Variants in LRRC4C observed in about 807,000 individuals in gnomAD.
LRRC4C encodes the protein leucine-rich repeat-containing protein 4C.
Under a neutral mutation model 33.6 loss-of-function variants are expected in LRRC4C, and 5 were observed. That is an observed-to-expected ratio of 0.15 (90% confidence interval 0.08 to 0.31). LRRC4C has a LOEUF of 0.31. Among genes scored for constraint, LRRC4C ranks in the 10% least tolerant of loss-of-function variants. LRRC4C has a pLI of 1.00. For synonymous variants in LRRC4C, 329 were observed against 302.0 expected (o/e 1.09, Z -0.93); for missense variants, 560 against 796.7 (o/e 0.70, Z 3.58).
chr11:40,984,363 A>AGAAGAAAGAAAGAAAG (rs1375965996), intron 1 of LRRC4C, among the ~76,000 whole-genome samples: 34 of 120,296 alleles, frequency 2.8e-4, no homozygotes, highest in African/African-American at 7.4e-4. Flanking sequence ...AAAGAAAGAA[A>AGAAGAAAGAAAGAAAG]AAAGAAAGAA....
intron 1 of LRRC4C, among the ~76,000 whole-genome samples, chr11:40,971,413 C>T (rs1303588849): frequency 6.6e-6 from 1 of 152,150 alleles, no homozygotes; most frequent in African/African-American, 2.4e-5. Flanking sequence ...TGTTTGGCTT[C>T]CACGTGGTGT....
chr11:41,312,269 A>C (rs1950664093), intron 1 of LRRC4C, among the ~76,000 whole-genome samples: 1 of 152,172 alleles, frequency 6.6e-6, no homozygotes, highest in African/African-American at 2.4e-5. Context: ...AAACCCTTCA[A>C]AATGCTGCCA....
At chr11:40,924,329 A>G (rs1321491262) in intron 2 of LRRC4C, among the ~76,000 whole-genome samples, 1 of 152,042 alleles carries the variant, frequency 6.6e-6, no homozygotes, top group Non-Finnish European at 1.5e-5. Flanking sequence ...TCTTTAATTG[A>G]AACCTGATAG....
intron 2 of LRRC4C, among the ~76,000 whole-genome samples, chr11:40,931,041 T>G (rs1454078980): frequency 6.6e-6 from 1 of 152,148 alleles, no homozygotes; most frequent in African/African-American, 2.4e-5. Context: ...TTTTAGTAAA[T>G]GCAGCTGTAG....
intron 2 of LRRC4C, among the ~76,000 whole-genome samples, chr11:40,874,594 G>A (rs560365266): frequency 1.2e-4 from 18 of 152,130 alleles, no homozygotes; most frequent in African/African-American, 2.2e-4. Flanking sequence ...CTACCTACCC[G>A]AAATGCTGCA....
rs542417020 is a variant in LRRC4C, at chr11:40,193,165, C to T, written c.-96+48354G>A. ...CCCTGTGCCTCCTGATGGGGAGACA[C>T]CTCCCAGCAGGGGTCGATAGACACC... On this transcript the variant is annotated intron_variant, in intron 5 of 6. Transcript: ENST00000528697. 7.2e-5 allele frequency among the ~76,000 whole-genome samples: 11 copies of T among 152,296 alleles called. 1 individual carries two copies. Among genetic ancestry groups the T allele is most frequent in the Non-Finnish European group, 1.6e-4 (11 of 68,026 alleles).
intron 1 of LRRC4C, among the ~76,000 whole-genome samples, chr11:41,329,996 A>G (rs1400353693): frequency 6.6e-6 from 1 of 152,206 alleles, no homozygotes; most frequent in African/African-American, 2.4e-5. Context: ...AATTTTCCAG[A>G]AGGTTAATAC....
intron 1 of LRRC4C, among the ~76,000 whole-genome samples, chr11:40,957,245 A>G (rs959003984): frequency 2.0e-5 from 3 of 151,756 alleles, no homozygotes; most frequent in Non-Finnish European, 4.4e-5. Flanking sequence ...GAGCTAGAAA[A>G]GGACTATAAA....
At position 40,947,214 on chromosome 11, in the gene LRRC4C, T is replaced by C. The variant is rs867072482; in HGVS notation, c.-495-13491A>G. On this transcript the variant is annotated intron_variant, in intron 1 of 6. Transcript: ENST00000528697. The stretch of plus-strand genomic sequence containing the variant: ...TATGTTGAACAGTTTTGGCTTCTAA[T>C]TAATCTTGTTTAGAAAAATATTTGA... Among the ~76,000 whole-genome samples, 21 of 152,298 alleles carry C rather than the reference T, an allele frequency of 1.4e-4. No individual in the cohort carries two copies. In the Middle Eastern group the frequency reaches 0.017, roughly 123 times the overall value.
intron 1 of LRRC4C, among the ~76,000 whole-genome samples, chr11:41,031,939 A>G (rs1458039246): frequency 6.6e-6 from 1 of 152,044 alleles, no homozygotes; most frequent in Non-Finnish European, 1.5e-5. Flanking sequence ...TTTGGTTAAA[A>G]AAGTACACCA....
chr11:40,965,016 A>T (rs1203909480), intron 1 of LRRC4C, among the ~76,000 whole-genome samples: 1 of 152,006 alleles, frequency 6.6e-6, no homozygotes, highest in Admixed American at 6.6e-5. Flanking sequence ...ATTTCTCCAC[A>T]CCCTCTCCAG....
At chr11:41,438,343 A>G (rs957256916) in intron 1 of LRRC4C, among the ~76,000 whole-genome samples, 2 of 152,142 alleles carry the variant, frequency 1.3e-5, no homozygotes, top group African/African-American at 4.8e-5. Context: ...CATTCTAATG[A>G]TGTAGACTTA....
intron 3 of LRRC4C, among the ~76,000 whole-genome samples, chr11:40,605,658 G>T (rs142070516): frequency 1.3e-5 from 2 of 152,152 alleles, no homozygotes; most frequent in African/African-American, 4.8e-5. Context: ...GAATTTTGGG[G>T]TACCTGCCAA....
chr11:41,005,240 T>C (rs1283618298), intron 1 of LRRC4C, among the ~76,000 whole-genome samples: 1 of 152,124 alleles, frequency 6.6e-6, no homozygotes. Flanking sequence ...GTTTGAAGCA[T>C]GGGGGCAGAT....
intron 1 of LRRC4C, among the ~76,000 whole-genome samples, chr11:41,004,747 G>A (rs1355432604): frequency 6.8e-6 from 1 of 147,360 alleles, no homozygotes; most frequent in Non-Finnish European, 1.5e-5. Context: ...AAGCAGAGGG[G>A]GCACATGTTC....
At chr11:40,901,085 C>T (rs1389629623) in intron 2 of LRRC4C, among the ~76,000 whole-genome samples, 1 of 151,948 alleles carries the variant, frequency 6.6e-6, no homozygotes, top group Admixed American at 6.6e-5. Flanking sequence ...GTAAAAATGT[C>T]TCTTTAAGCA....
intron 1 of LRRC4C, among the ~76,000 whole-genome samples, chr11:41,249,662 T>C (rs1948576824): frequency 6.6e-6 from 1 of 152,178 alleles, no homozygotes; most frequent in Admixed American, 6.5e-5. Context: ...TTGCACTTGC[T>C]GCCGTAACTG....
chr11:40,592,369 C>T (rs958652023), intron 3 of LRRC4C, among the ~76,000 whole-genome samples: 7 of 152,146 alleles, frequency 4.6e-5, no homozygotes, highest in African/African-American at 1.7e-4. Context: ...TGTTGAGCCC[C>T]ATTCCTGGAG....
At chr11:40,416,429 A>C (rs1337955425) in intron 3 of LRRC4C, among the ~76,000 whole-genome samples, 1 of 152,134 alleles carries the variant, frequency 6.6e-6, no homozygotes, top group African/African-American at 2.4e-5. Context: ...TCCTAAAGGA[A>C]GAAGGAGCTA....
Sources: allele counts gnomAD v4.1 joint callset (sites outside exome capture counted in the v4.1 genomes callset), GRCh38; gene constraint gnomAD v4.1.1; transcripts MANE v1.5; gene names NCBI Gene and HGNC (gene_info 2026-07-23, HGNC 2026-07-21).